The following LRMDA variants were observed in gnomAD, a reference collection of about 807,000 sequenced individuals.
LRMDA encodes the protein leucine-rich melanocyte differentiation-associated protein.
LRMDA carries 18 observed loss-of-function variants against 29.8 expected under a neutral mutation model. The observed-to-expected ratio is 0.60, with a 90% CI of 0.42 to 0.90. The LOEUF is 0.90. Among genes scored for constraint, LRMDA ranks in the 40% least tolerant of loss-of-function variants. LRMDA has a pLI of 0.00. For synonymous variants in LRMDA, 125 were observed against 109.4 expected (o/e 1.14, Z -0.89); for missense variants, 273 against 273.9 (o/e 1.00, Z 0.02).
At chr10:75,576,062 G>A (rs1161706135) in intron 2 of LRMDA, among the ~76,000 whole-genome samples, 5 of 151,788 alleles carry the variant, frequency 3.3e-5, no homozygotes, top group Admixed American at 6.6e-5. Flanking sequence ...AGAGAGCCAA[G>A]TGTCTGGCTT....
intron 6 of LRMDA, among the ~76,000 whole-genome samples, chr10:76,458,200 C>T (rs1297653581): frequency 6.6e-6 from 1 of 151,620 alleles, no homozygotes; most frequent in African/African-American, 2.4e-5. Context: ...TCTGAGCACC[C>T]ATAGAGGGGA....
At chr10:76,537,288 C>G (rs910496759) in intron 6 of LRMDA, among the ~76,000 whole-genome samples, 3 of 152,226 alleles carry the variant, frequency 2.0e-5, no homozygotes, top group Non-Finnish European at 2.9e-5. Flanking sequence ...AGATGCCCTA[C>G]ACACGTGCAT....
intron 2 of LRMDA, among the ~76,000 whole-genome samples, chr10:76,016,483 AG>A (rs1349866556): frequency 3.3e-5 from 5 of 152,132 alleles, no homozygotes. Context: ...AATTGGGACT[AG>A]ATTCTTGAAA....
At chr10:75,519,155 G>A (rs1845327913) in intron 2 of LRMDA, among the ~76,000 whole-genome samples, 1 of 152,170 alleles carries the variant, frequency 6.6e-6, no homozygotes, top group Admixed American at 6.5e-5. Context: ...AGTATGATGT[G>A]GTGCTGAGAA....
chr10:75,985,868 G>A (rs1215488965), intron 2 of LRMDA, among the ~76,000 whole-genome samples: 1 of 152,248 alleles, frequency 6.6e-6, no homozygotes, highest in Non-Finnish European at 1.5e-5. Flanking sequence ...AGCTGTTGAT[G>A]TGATGGTTCA....
In LRMDA at chr10:76,047,228, G is replaced by A. The variant is rs201719589; in HGVS notation, c.323G>A (p.Ser108Asn). The change falls in exon 4 of 7, where the codon AGT becomes AAT. Residue 108 changes from serine (S) to asparagine (N), a missense_variant. Physicochemically the swap from Ser to Asn is conservative, Grantham distance 46. Transcript: ENST00000611255. ...AEVTPALEYL[S>N]LLGNVACPNE... ...GTGACACCAGCTCTGGAGTACCTCA[G>A]TCTGCTGGGCAACGTGGCCTGTCCC... 48 of 1,614,010 alleles carry A rather than the reference G, an allele frequency of 3.0e-5. No individual in the cohort carries two copies. The highest frequency in any genetic ancestry group is 5.9e-6 in the Non-Finnish European group (7 of 1,179,996).
intron 5 of LRMDA, among the ~76,000 whole-genome samples, chr10:76,179,646 T>A (rs1038288915): frequency 3.0e-4 from 45 of 152,330 alleles, no homozygotes; most frequent in African/African-American, 9.9e-4. Context: ...GGGAGATTTA[T>A]TCTTTGTAAT....
intron 2 of LRMDA, among the ~76,000 whole-genome samples, chr10:75,511,089 G>A (rs1845220630): frequency 6.6e-6 from 1 of 152,116 alleles, no homozygotes; most frequent in Non-Finnish European, 1.5e-5. Flanking sequence ...CACTTTGCGG[G>A]GGCTGAGGTG....
chr10:76,293,446 G>A (rs867860385), intron 5 of LRMDA, among the ~76,000 whole-genome samples: 1 of 152,204 alleles, frequency 6.6e-6, no homozygotes, highest in Non-Finnish European at 1.5e-5. Flanking sequence ...GTGAAGAAGA[G>A]TGATACAAAT....
chr10:76,175,534 G>A (rs1850918381), intron 5 of LRMDA, among the ~76,000 whole-genome samples: 1 of 152,190 alleles, frequency 6.6e-6, no homozygotes. Flanking sequence ...GGCCAGATAA[G>A]GGTCTGATAT....
intron 5 of LRMDA, among the ~76,000 whole-genome samples, chr10:76,243,969 G>A (rs1852327159): frequency 1.3e-5 from 2 of 152,162 alleles, no homozygotes; most frequent in Admixed American, 1.3e-4. Flanking sequence ...CCTTGGAATA[G>A]ACACCCAGAG....
chr10:75,776,917 C>T (rs1369312279), intron 2 of LRMDA, among the ~76,000 whole-genome samples: 1 of 152,156 alleles, frequency 6.6e-6, no homozygotes, highest in Non-Finnish European at 1.5e-5. Context: ...TTGAGGTTTT[C>T]AAAGCTGCAG....
chr10:75,773,310 T>C (rs1419470195), intron 2 of LRMDA, among the ~76,000 whole-genome samples: 3 of 152,230 alleles, frequency 2.0e-5, no homozygotes, highest in African/African-American at 7.2e-5. Context: ...GGAAAGATTG[T>C]AGTATGTTAA....
chr10:75,490,839 A>G (rs1032774425), intron 2 of LRMDA, among the ~76,000 whole-genome samples: 7 of 152,168 alleles, frequency 4.6e-5, no homozygotes, highest in Non-Finnish European at 1.0e-4. Context: ...TGATGTGGCT[A>G]ATGTGTTGTT....
rs1846972904 is a variant in LRMDA, at chr10:75,971,629, G to T, written c.132-64379G>T. On this transcript the variant is annotated intron_variant, in intron 2 of 6. Coordinates refer to ENST00000611255, the MANE Select transcript of LRMDA (RefSeq NM_001305581.2). ...AGCAAGGATGGGGTTTCTTATTCTGGCCCTCTTGGACTCTTGGAAAAACAC... is the reference window on the plus strand; with the variant it reads ...AGCAAGGATGGGGTTTCTTATTCTGTCCCTCTTGGACTCTTGGAAAAACAC... 2.0e-5 allele frequency among the ~76,000 whole-genome samples: 3 copies of T among 152,156 alleles called. No homozygotes were observed. The South Asian group carries it at 6.2e-4, about 32-fold the overall frequency.
At chr10:75,748,625 G>T (rs547441100) in intron 2 of LRMDA, among the ~76,000 whole-genome samples, 1 of 152,134 alleles carries the variant, frequency 6.6e-6, no homozygotes, top group African/African-American at 2.4e-5. Context: ...GCTCGAGATG[G>T]TACTGTGTTT....
chr10:76,124,096 C>T (rs767767655), intron 5 of LRMDA, among the ~76,000 whole-genome samples: 1 of 152,176 alleles, frequency 6.6e-6, no homozygotes, highest in Non-Finnish European at 1.5e-5. Flanking sequence ...CCTCTCCCAT[C>T]GTCTCTAGGC....
chr10:75,595,648 TAA>T (rs994890290), intron 2 of LRMDA, among the ~76,000 whole-genome samples: 19 of 150,368 alleles, frequency 1.3e-4, no homozygotes, highest in African/African-American at 4.4e-4. Flanking sequence ...ACTCAGAAAT[TAA>T]GAGTGAAAAT....
At chr10:76,537,971 A>G (rs984058560) in intron 6 of LRMDA, among the ~76,000 whole-genome samples, 9 of 152,224 alleles carry the variant, frequency 5.9e-5, no homozygotes, top group African/African-American at 2.2e-4. Context: ...CAATAAGCCT[A>G]CTAAGTTAAA....
Sources: allele counts gnomAD v4.1 joint callset (sites outside exome capture counted in the v4.1 genomes callset), GRCh38; gene constraint gnomAD v4.1.1; transcripts MANE v1.5; gene names NCBI Gene and HGNC (gene_info 2026-07-23, HGNC 2026-07-21).